Variants in FAM168A observed in about 807,000 individuals in gnomAD.
FAM168A encodes the protein family with sequence similarity 168 member A.
In FAM168A, 3 loss-of-function variants were observed where a neutral mutation model predicts 28.5. That is an observed-to-expected ratio of 0.11 (90% CI 0.05 to 0.27). FAM168A has a LOEUF of 0.27. Ranked by LOEUF, FAM168A falls within the 10% of genes least tolerant of loss-of-function variation. The pLI is 1.00. For missense variants in FAM168A, 222 were observed against 311.5 expected (o/e 0.71, Z 2.16); for synonymous variants, 122 against 124.2 (o/e 0.98, Z 0.12).
chr11:73,511,525 C>T (rs1458452924), intron 1 of FAM168A, among the ~76,000 whole-genome samples: 3 of 148,590 alleles, frequency 2.0e-5, no homozygotes, highest in Admixed American at 6.6e-5. Flanking sequence ...GCATGGCCAC[C>T]GCGCCCGGCT....
chr11:73,430,246 A>ATG (rs35693530), intron 3 of FAM168A: 12,812 of 147,424 alleles, frequency 0.087, 577 homozygotes, highest in Non-Finnish European at 0.1. Flanking sequence ...TGGCAAGAGC[A>ATG]TGTGTGTGTG....
At chr11:73,413,939 G>A (rs1866658153) in intron 4 of FAM168A, among the ~76,000 whole-genome samples, 1 of 152,114 alleles carries the variant, frequency 6.6e-6, no homozygotes, top group South Asian at 2.1e-4. Context: ...GGTGGCTGGT[G>A]TAGTCCCCAG....
At chr11:73,515,536 A>G (rs1943290828) in intron 1 of FAM168A, among the ~76,000 whole-genome samples, 1 of 151,616 alleles carries the variant, frequency 6.6e-6, no homozygotes, top group Non-Finnish European at 1.5e-5. Flanking sequence ...GAAAAGAAAC[A>G]ACTATCTATT....
intron 1 of FAM168A, among the ~76,000 whole-genome samples, chr11:73,541,871 C>T (rs1943662235): frequency 6.6e-6 from 1 of 152,164 alleles, no homozygotes. Flanking sequence ...TTAGAGATCA[C>T]CCCAAGGCCC....
At chr11:73,545,109 T>C (rs1943728773) in intron 1 of FAM168A, among the ~76,000 whole-genome samples, 1 of 141,564 alleles carries the variant, frequency 7.1e-6, no homozygotes, top group Non-Finnish European at 1.5e-5. Context: ...CACTACAACC[T>C]CCACCTTTTG....
chr11:73,498,029 T>C (rs941084211), intron 1 of FAM168A, among the ~76,000 whole-genome samples: 6 of 152,064 alleles, frequency 3.9e-5, no homozygotes, highest in African/African-American at 1.4e-4. Context: ...ACTGGTGAAA[T>C]AGCCATGAAC....
intron 1 of FAM168A, among the ~76,000 whole-genome samples, chr11:73,579,052 A>T (rs1246019679): frequency 6.6e-6 from 1 of 152,142 alleles, no homozygotes; most frequent in Non-Finnish European, 1.5e-5. Context: ...CCCTCTTCTC[A>T]CTGTATCCTC....
At chr11:73,429,492 T>C (rs1866946371) in intron 3 of FAM168A, among the ~76,000 whole-genome samples, 1 of 152,194 alleles carries the variant, frequency 6.6e-6, no homozygotes, top group Non-Finnish European at 1.5e-5. Context: ...ATATCTATAG[T>C]TCAGATTCAT....
intron 1 of FAM168A, among the ~76,000 whole-genome samples, chr11:73,504,842 A>T (rs1196174874): frequency 6.6e-6 from 1 of 152,210 alleles, no homozygotes; most frequent in South Asian, 2.1e-4. Flanking sequence ...AAATGAGATC[A>T]TTTCCTTTGC....
In FAM168A at chr11:73,406,112, T is replaced by TC. The variant is rs1866501394; in HGVS notation, c.*650dup. The TC allele has an allele frequency of 2.0e-5, 1 of 49,232 alleles. No individual in the cohort carries two copies. Among genetic ancestry groups the TC allele is most frequent in the Non-Finnish European group, 4.2e-5 (1 of 23,884 alleles). 3.0% of individuals were successfully genotyped at this position (49,232 alleles called of 1,614,324 possible). ...CTCTCCTTCCCCACAATGCCCTCCC[T>TC]CCCCCCACCCTCCCCCAAATTCTAA... On this transcript the variant is annotated 3_prime_UTR_variant, in exon 8 of 8. Transcript: ENST00000356467.
chr11:73,458,533 C>T (rs1375258411), intron 2 of FAM168A, among the ~76,000 whole-genome samples: 1 of 152,234 alleles, frequency 6.6e-6, no homozygotes, highest in Non-Finnish European at 1.5e-5. Context: ...ACTTGCCTGA[C>T]ACTTCAGTGG....
intron 2 of FAM168A, among the ~76,000 whole-genome samples, chr11:73,444,586 A>T (rs1222705001): frequency 1.3e-5 from 2 of 152,230 alleles, no homozygotes; most frequent in Non-Finnish European, 2.9e-5. Flanking sequence ...CTCTTTAAAA[A>T]ATTGTAAATG....
intron 1 of FAM168A, among the ~76,000 whole-genome samples, chr11:73,587,893 G>A (rs1366562886): frequency 6.6e-6 from 1 of 151,990 alleles, no homozygotes; most frequent in Non-Finnish European, 1.5e-5. Context: ...GGGATTACAG[G>A]TGTGTGCCAC....
intron 1 of FAM168A, among the ~76,000 whole-genome samples, chr11:73,510,383 C>T (rs1340781357): frequency 6.6e-6 from 1 of 152,162 alleles, no homozygotes; most frequent in East Asian, 1.9e-4. Flanking sequence ...GGTAGTAGAG[C>T]CTCGTAGGGA....
intron 1 of FAM168A, among the ~76,000 whole-genome samples, chr11:73,551,039 A>G (rs1943822061): frequency 6.7e-6 from 1 of 149,226 alleles, no homozygotes; most frequent in Admixed American, 6.7e-5. Context: ...TGAACCCAGG[A>G]GGTGGAGCTT....
chr11:73,451,266 C>G (rs574804520), intron 2 of FAM168A, among the ~76,000 whole-genome samples: 2 of 152,314 alleles, frequency 1.3e-5, no homozygotes, highest in African/African-American at 2.4e-5. Context: ...TGTGAAAGCA[C>G]TGGCTTAGAG....
rs1855084509 is a variant in FAM168A at position 73,505,217 on chromosome 11, A to G, written c.-18-36725T>C. 2.0e-5 allele frequency among the ~76,000 whole-genome samples: 3 copies of G among 151,468 alleles called. No individual in the cohort carries two copies. In the South Asian group the frequency reaches 6.2e-4, roughly 31 times the overall value. ...CTGATTAGTTCAAAAGTGAAAATTA[A>G]AAGTCATGGAGTTTTGCAAAAAGGA... On this transcript the variant is annotated intron_variant, in intron 1 of 7. Coordinates refer to ENST00000356467, the MANE Select transcript of FAM168A (RefSeq NM_015159.3).
At chr11:73,520,025 C>T (rs1257170698) in intron 1 of FAM168A, among the ~76,000 whole-genome samples, 1 of 151,590 alleles carries the variant, frequency 6.6e-6, no homozygotes, top group Non-Finnish European at 1.5e-5. Context: ...TCAGATTCAC[C>T]TCTTAAAATT....
At chr11:73,496,706 G>A (rs532719386) in intron 1 of FAM168A, among the ~76,000 whole-genome samples, 2 of 152,124 alleles carry the variant, frequency 1.3e-5, no homozygotes, top group East Asian at 1.9e-4. Context: ...GACTACAGGC[G>A]CCCACCACCA....
Sources: gnomAD v4.1 joint callset for allele counts (sites outside exome capture counted in the v4.1 genomes callset) on GRCh38, gnomAD v4.1.1 for gene constraint, MANE v1.5 for transcripts, NCBI Gene and HGNC (gene_info 2026-07-23, HGNC 2026-07-21) for gene names.